Variants in BPI observed in about 807,000 individuals in gnomAD.
BPI encodes bactericidal permeability increasing protein, also known as bactericidal permeability-increasing protein.
Under a neutral mutation model 57.6 loss-of-function variants are expected in BPI, and 48 were observed. The ratio of observed to expected loss-of-function variants is 0.83; its 90% confidence interval spans 0.66 to 1.06. The LOEUF is 1.06. BPI is among the 50% of genes least tolerant of loss of function. The pLI is 0.00. For missense variants in BPI, 651 were observed against 609.7 expected, an observed-to-expected ratio of 1.07 and a Z score of -0.71; for synonymous variants, 237 against 238.2, an observed-to-expected ratio of 0.99 and a Z score of 0.05.
chr20:38,310,547 T>C lies in BPI; in HGVS notation c.431T>C (p.Leu144Pro). Reference protein sequence around the residue: ...SIEGMSISADLKLGSNPTSGK... With the variant: ...SIEGMSISADPKLGSNPTSGK... ...GAAGGCATGTCCATTTCGGCTGATC[T>C]GAAGCTGGGCAGTAACCCCACGTCA... is the stretch of plus-strand genomic sequence containing the variant. Residue 144 changes from leucine (L) to proline (P), a missense_variant, in exon 4 of 15, where the codon CTG becomes CCG. Coordinates refer to ENST00000642449, the MANE Select transcript of BPI (RefSeq NM_001725.3). The C allele has an allele frequency of 6.2e-7, 1 of 1,614,210 alleles. No individual in the cohort carries two copies. Among genetic ancestry groups the C allele is most frequent in the Non-Finnish European group, 8.5e-7 (1 of 1,180,030 alleles).
intron 11 of BPI, 30 bp from the exon 12 acceptor site, chr20:38,331,018 G>A (rs768186192): frequency 6.2e-7 from 1 of 1,612,516 alleles, no homozygotes; most frequent in Non-Finnish European, 8.5e-7. Context: ...GGCAATTGGT[G>A]GTCTCAGTCC....
intron 5 of BPI, among the ~76,000 whole-genome samples, chr20:38,315,835 C>CTTT (rs374398594): frequency 1.5e-5 from 2 of 132,252 alleles, no homozygotes; most frequent in African/African-American, 5.6e-5. Flanking sequence ...CTTTTCTTTT[C>CTTT]TTTTTTTTTT....
At chr20:38,316,967 T>G (rs920271851) in intron 5 of BPI, among the ~76,000 whole-genome samples, 2 of 152,020 alleles carry the variant, frequency 1.3e-5, no homozygotes, top group African/African-American at 4.8e-5. Flanking sequence ...GAGGAAGAGC[T>G]TGCAAAGAAG....
At chr20:38,310,785 T>C (rs1891032) in intron 4 of BPI, 133 bp downstream of exon 4, 1,096,047 of 1,214,574 alleles carry the variant, frequency 0.9, 498,368 homozygotes, top group Admixed American at 0.93. Flanking sequence ...AGGCATGGTA[T>C]GGGGGCCAGG....
rs117716049 is a variant in BPI at position 38,327,207 on chromosome 20, C to T, written c.1162-381C>T. ...TCCCACTTTGCAGACAGAATAGGTCCTAAGAGGTCATCCAAGACCACACAG... is the reference window on the plus strand; with the variant it reads ...TCCCACTTTGCAGACAGAATAGGTCTTAAGAGGTCATCCAAGACCACACAG... On this transcript the variant is annotated intron_variant, in intron 10 of 14. Transcript: ENST00000642449. Among the ~76,000 whole-genome samples the T allele has an allele frequency of 9.2e-4, 140 of 152,290 alleles. 3 individuals are homozygous for T. In the East Asian group the frequency reaches 0.025, roughly 27 times the overall value.
At chr20:38,311,545 A>G (rs965650974) in intron 4 of BPI, among the ~76,000 whole-genome samples, 2 of 152,182 alleles carry the variant, frequency 1.3e-5, no homozygotes, top group Non-Finnish European at 2.9e-5. Flanking sequence ...CAGAGGGAAG[A>G]GCATGTGCAA....
Position 38,337,250 on chromosome 20 carries a change from C to A in BPI, c.*66C>A. ...CTGATGGGCTGTGGGGCACCGGCTG[C>A]CTTTCCCCAGGGAATCCTCTCCAGA... On this transcript the variant is annotated 3_prime_UTR_variant, in exon 15 of 15. Coordinates refer to ENST00000642449, the MANE Select transcript of BPI (RefSeq NM_001725.3). 7.1e-7 allele frequency: 1 copy of A among 1,417,266 alleles called. No individual in the cohort carries two copies. The highest frequency in any genetic ancestry group is 9.6e-7 in the Non-Finnish European group (1 of 1,042,800). The allele number at this position is 1,417,266 out of a possible 1,614,324, so 87.8% of individuals were successfully genotyped here. A position where few individuals can be genotyped will look rare whatever the true frequency, so the allele number is the denominator to read the frequency against.
intron 7 of BPI, among the ~76,000 whole-genome samples, chr20:38,320,714 C>T (rs1354787316): frequency 1.4e-5 from 2 of 147,662 alleles, no homozygotes; most frequent in African/African-American, 2.5e-5. Context: ...TCTAGTCTGT[C>T]TCCCTCACTA....
At chr20:38,310,684 G>A (rs2122499366) in intron 4 of BPI, 32 bp downstream of exon 4, 2 of 1,593,554 alleles carry the variant, frequency 1.3e-6, no homozygotes, top group Admixed American at 1.7e-5. Flanking sequence ...GCTGGGAGGA[G>A]GGACTTAAAG....
At chr20:38,331,020 T>C (rs756646750) in intron 11 of BPI, 28 bp from the exon 12 acceptor site, 13 of 1,613,068 alleles carry the variant, frequency 8.1e-6, no homozygotes, top group South Asian at 2.2e-5. Flanking sequence ...CAATTGGTGG[T>C]CTCAGTCCCC....
At chr20:38,326,519 G>A (rs2076714488) in intron 10 of BPI, 87 bp downstream of exon 10, 2 of 1,419,754 alleles carry the variant, frequency 1.4e-6, no homozygotes. Flanking sequence ...TGTGAATCCT[G>A]TCTGGATTCA....
chr20:38,314,030 GGATGGT>G lies in BPI; in HGVS notation c.600+2107_600+2112del, dbSNP rs564613087. On this transcript the variant is annotated intron_variant, in intron 5 of 14. Coordinates refer to ENST00000642449, the MANE Select transcript of BPI (RefSeq NM_001725.3). The stretch of plus-strand genomic sequence containing the variant: ...GTGATAGTAATGGTGGAGATGATGA[GGATGGT>G]GATGGTGATGGTGGTGATGATTATG... Among the ~76,000 whole-genome samples the G allele has an allele frequency of 1.4e-3, 197 of 136,118 alleles. 1 individual carries two copies. Among genetic ancestry groups the G allele is most frequent in the African/African-American group, 5.0e-3 (185 of 37,138 alleles). 89.3% of individuals were successfully genotyped at this position (136,118 alleles called of 152,430 possible).
chr20:38,337,081 T>G lies in BPI; in HGVS notation c.1414-65T>G, dbSNP rs2122576876. ...CAAAATGTCCTTCTTAAAACTCCAG[T>G]AGCTCCACACTCACAAACAAGGGGT... On this transcript the variant is annotated intron_variant, in intron 14 of 14. Transcript: ENST00000642449. 2.0e-6 allele frequency: 3 copies of G among 1,527,814 alleles called. No individual in the cohort carries two copies. The South Asian group carries it at 3.6e-5, about 18-fold the overall frequency. 94.6% of individuals were successfully genotyped at this position (1,527,814 alleles called of 1,614,324 possible).
Position 38,334,986 on chromosome 20 carries a change from C to T in BPI, c.1336+493C>T, listed in dbSNP as rs116218505. Among the ~76,000 whole-genome samples the T allele has an allele frequency of 3.0e-3, 464 of 152,166 alleles. 4 individuals carry two copies. Among genetic ancestry groups the T allele is most frequent in the African/African-American group, 0.011 (442 of 41,528 alleles). ...GCCCCTGACCTTTGAGAGTGAGGGG[C>T]AAAAGTACTAATAGAGGCCCATATA... On this transcript the variant is annotated intron_variant, in intron 13 of 14. Transcript: ENST00000642449.
intron 4 of BPI, among the ~76,000 whole-genome samples, chr20:38,311,215 G>T (rs1223335932): frequency 6.6e-6 from 1 of 152,238 alleles, no homozygotes; most frequent in African/African-American, 2.4e-5. Flanking sequence ...AACTTAAGTT[G>T]CTACAGCTAA....
At chr20:38,334,727 C>T (rs1244749370) in intron 13 of BPI, among the ~76,000 whole-genome samples, 5 of 152,102 alleles carry the variant, frequency 3.3e-5, no homozygotes, top group Non-Finnish European at 7.4e-5. Context: ...TTACAAAACC[C>T]CCATGAGATG....
intron 5 of BPI, 39 bp from the exon 6 acceptor site, chr20:38,318,374 T>A (rs1280283543): frequency 6.3e-7 from 1 of 1,579,272 alleles, no homozygotes; most frequent in Non-Finnish European, 8.7e-7. Flanking sequence ...TTTTTCACTA[T>A]GGGAAGACCT....
At chr20:38,314,952 C>T (rs765158885) in intron 5 of BPI, among the ~76,000 whole-genome samples, 29 of 148,796 alleles carry the variant, frequency 1.9e-4, no homozygotes, top group Non-Finnish European at 3.9e-4. Context: ...CATTTTCTTC[C>T]TCCAAGGCAG....
intron 6 of BPI, among the ~76,000 whole-genome samples, chr20:38,319,389 G>C (rs1029326616): frequency 6.6e-6 from 1 of 152,222 alleles, no homozygotes; most frequent in African/African-American, 2.4e-5. Context: ...TGGGCTTTCA[G>C]CTGCTCTCAG....
Sources: allele counts gnomAD v4.1 joint callset (sites outside exome capture counted in the v4.1 genomes callset), GRCh38; gene constraint gnomAD v4.1.1; transcripts MANE v1.5; gene names NCBI Gene and HGNC (gene_info 2026-07-23, HGNC 2026-07-21).